The following DNAH17 variants were observed in gnomAD, a reference collection of about 807,000 sequenced individuals.
DNAH17 encodes axonemal beta dynein heavy chain 17.
In DNAH17, 376 loss-of-function variants were observed where a neutral mutation model predicts 485.6. The observed-to-expected ratio is 0.77, with a 90% CI of 0.71 to 0.84. The LOEUF is 0.84. DNAH17 is among the 40% of genes least tolerant of loss of function. The pLI is 0.00. For missense variants in DNAH17, 6,370 were observed against 5,839.3 expected, an observed-to-expected ratio of 1.09 and a Z score of -2.96; for synonymous variants, 3,031 against 2,405.9, an observed-to-expected ratio of 1.26 and a Z score of -7.60.
chr17:78,526,832 C>G lies in DNAH17; in HGVS notation c.3624+48G>C, dbSNP rs541010143. ...GTATGCCGCAGGGCCCTGGGTGAGC[C>G]CCACGCTGCTCCCCGGAAATCCCGC... On this transcript the variant is annotated intron_variant, in intron 23 of 80. Transcript: ENST00000389840. 299 of 1,558,714 alleles carry G rather than the reference C, an allele frequency of 1.9e-4. 2 individuals carry two copies. The highest frequency in any genetic ancestry group is 1.8e-3 in the Middle Eastern group (10 of 5,512).
At chr17:78,537,530 G>A (rs758477974) in intron 18 of DNAH17, 49 bp from the exon 19 acceptor site, 80 of 1,590,356 alleles carry the variant, frequency 5.0e-5, no homozygotes, top group Non-Finnish European at 5.8e-5. Context: ...GTCCTCCATC[G>A]GATGATTCTC....
At chr17:78,545,309 A>G (rs1462947986) in intron 16 of DNAH17, among the ~76,000 whole-genome samples, 6 of 152,186 alleles carry the variant, frequency 3.9e-5, no homozygotes, top group Non-Finnish European at 8.8e-5. Context: ...TGGTCAGAAA[A>G]ACGCGTTCTG....
Position 78,485,633 on chromosome 17 carries a change from T to TC in DNAH17, c.7399dup (p.Asp2467GlyfsTer49). On this transcript the variant is annotated frameshift_variant, in exon 47 of 81. Transcript: ENST00000389840. LOFTEE classifies it high-confidence loss of function. ...GTCCGTGTTCAGGCTTTCCAGCTTG[T>TC]CCCCCATCAGCACCGACTTGCCCGT... 6.2e-7 allele frequency: 1 copy of TC among 1,613,806 alleles called. No homozygotes were observed. Among genetic ancestry groups the TC allele is most frequent in the African/African-American group, 1.3e-5 (1 of 74,968 alleles).
chr17:78,476,284 G>C (rs892597289), intron 52 of DNAH17, among the ~76,000 whole-genome samples: 36 of 142,348 alleles, frequency 2.5e-4, no homozygotes, highest in African/African-American at 9.0e-4. Context: ...TGGAACCCTC[G>C]GACCCACAGC....
chr17:78,472,252 GAGGGTT>G (rs148275927), intron 54 of DNAH17, among the ~76,000 whole-genome samples: 4 of 146,914 alleles, frequency 2.7e-5, no homozygotes, highest in South Asian at 2.1e-4. Context: ...GTAGGGGTGC[GAGGGTT>G]AGGGTTAGGG....
chr17:78,441,851 A>G (rs575137699), intron 71 of DNAH17, among the ~76,000 whole-genome samples: 1 of 152,250 alleles, frequency 6.6e-6, no homozygotes, highest in African/African-American at 2.4e-5. Flanking sequence ...TTGGGAGGCC[A>G]AGGAGGGCAG....
intron 77 of DNAH17, chr17:78,428,271 G>A (rs2086548403): frequency 1.9e-6 from 1 of 538,866 alleles, no homozygotes; most frequent in African/African-American, 1.9e-5. Context: ...TGCTCTTGGA[G>A]CCGCATCCAC....
intron 19 of DNAH17, among the ~76,000 whole-genome samples, chr17:78,535,446 G>A (rs557445109): frequency 2.0e-5 from 3 of 152,124 alleles, no homozygotes; most frequent in Admixed American, 6.5e-5. Flanking sequence ...CTGTTCCCTC[G>A]TGTCCTCATG....
chr17:78,573,037 G>T (rs1441083731), intron 2 of DNAH17, 143 bp from the exon 3 acceptor site: 5 of 688,958 alleles, frequency 7.3e-6, no homozygotes, highest in African/African-American at 7.2e-5. Context: ...CAGGTCCCCA[G>T]GGGGATTCCA....
At chr17:78,449,703 A>G (rs2087465266) in intron 68 of DNAH17, 119 bp from the exon 69 acceptor site, 1 of 1,077,282 alleles carries the variant, frequency 9.3e-7, no homozygotes, top group East Asian at 2.6e-5. Flanking sequence ...TTTGAGACAG[A>G]GTCTTGCTCT....
At chr17:78,500,591 C>T (rs1024168929) in intron 35 of DNAH17, 130 bp from the exon 36 acceptor site, 22 of 848,440 alleles carry the variant, frequency 2.6e-5, no homozygotes, top group Middle Eastern at 7.3e-4. Context: ...TCACTGCAAC[C>T]TCTGCCTCCT....
intron 27 of DNAH17, among the ~76,000 whole-genome samples, chr17:78,509,673 T>G (rs989211315): frequency 6.6e-6 from 1 of 152,212 alleles, no homozygotes; most frequent in East Asian, 1.9e-4. Flanking sequence ...CAAGTTCAGG[T>G]ACCAGCTGGG....
At chr17:78,490,561 T>C (rs1234301692) in intron 44 of DNAH17, 138 bp downstream of exon 44, 2 of 1,265,492 alleles carry the variant, frequency 1.6e-6, no homozygotes, top group Non-Finnish European at 2.2e-6. Context: ...CCTTCACTGC[T>C]GTGACACTGG....
intron 19 of DNAH17, among the ~76,000 whole-genome samples, chr17:78,535,708 C>T (rs2091356943): frequency 6.6e-6 from 1 of 152,210 alleles, no homozygotes; most frequent in Non-Finnish European, 1.5e-5. Flanking sequence ...TTCCTCCCTT[C>T]CTGGTAAGCA....
At chr17:78,438,445 G>GGAGGAGGAGGAGGAGGA (rs1473139795) in intron 73 of DNAH17, among the ~76,000 whole-genome samples, 1 of 7,596 alleles carries the variant, frequency 1.3e-4, no homozygotes, top group African/African-American at 4.7e-4. Context: ...AGGAGGAGGA[G>GGAGGAGGAGGAGGAGGA]GGAGGAGGGA....
At position 78,429,370 on chromosome 17, in the gene DNAH17, TCAGG is replaced by T. The variant is rs1313474522; in HGVS notation, c.12226-74_12226-71del. ...CTTCTCTGCCATGAGAGGGTCAGGC[TCAGG>T]CAGGCAGGGCGTGGGAACCCAGCCA... is the stretch of plus-strand genomic sequence containing the variant. On this transcript the variant is annotated intron_variant, in intron 75 of 80. Transcript: ENST00000389840. The T allele has an allele frequency of 2.6e-6, 4 of 1,525,430 alleles. No homozygotes were observed. The African/African-American group carries it at 4.1e-5, about 16-fold the overall frequency. The allele number at this position is 1,525,430 out of a possible 1,614,324, so 94.5% of individuals were successfully genotyped here.
intron 55 of DNAH17, among the ~76,000 whole-genome samples, chr17:78,468,334 G>A (rs753574774): frequency 5.3e-5 from 8 of 152,008 alleles, no homozygotes; most frequent in East Asian, 1.9e-4. Flanking sequence ...CCATCCCTCC[G>A]TGGATTCTGG....
chr17:78,532,730 G>A lies in DNAH17; in HGVS notation c.2866C>T (p.Leu956=). The A allele has an allele frequency of 1.3e-6, 2 of 1,591,478 alleles. No homozygotes were observed. The highest frequency in any genetic ancestry group is 1.3e-5 in the African/African-American group (1 of 74,678). ...TCTATGAGGTCTGTGTTATCTTCCA[G>A]GTCCATCTGAAAGGGGCAGGGGAGA... ...AKDRMNYKMD[L]EDNTDLIEMR... The change falls in exon 20 of 81, where the codon CTG becomes TTG. Residue 956 remains leucine, a synonymous_variant. Transcript: ENST00000389840.
intron 62 of DNAH17, among the ~76,000 whole-genome samples, chr17:78,456,395 AC>A (rs1490816958): frequency 2.0e-5 from 3 of 147,652 alleles, no homozygotes; most frequent in African/African-American, 8.1e-5. Flanking sequence ...CCGCATTGAC[AC>A]CCAAGTTGCC....
Sources: allele counts gnomAD v4.1 joint callset (sites outside exome capture counted in the v4.1 genomes callset), GRCh38; gene constraint gnomAD v4.1.1; transcripts MANE v1.5; gene names NCBI Gene and HGNC (gene_info 2026-07-23, HGNC 2026-07-21).